WDR3: variants seen among roughly 807,000 people sequenced by gnomAD.
WDR3 encodes the protein WD repeat domain 3.
A neutral mutation model predicts 123.7 loss-of-function variants in WDR3; 81 were observed. The observed-to-expected ratio is 0.65, with a 90% CI of 0.55 to 0.79. The LOEUF (loss-of-function observed/expected upper bound fraction) is 0.79. WDR3 is among the 30% of genes least tolerant of loss of function. WDR3 has a pLI of 0.00. For synonymous variants in WDR3, 390 were observed against 388.8 expected (o/e 1.00, Z -0.04); for missense variants, 1,027 against 1,123.2 (o/e 0.91, Z 1.22).
At chr1:117,942,339 A>G (rs1651199335) in intron 9 of WDR3, 98 bp from the exon 10 acceptor site, 3 of 926,226 alleles carry the variant, frequency 3.2e-6, no homozygotes, top group Non-Finnish European at 5.2e-6. Flanking sequence ...CCAGAATAAC[A>G]CAGTTTGTTG....
chr1:117,957,304 C>A, intron 25 of WDR3, 108 bp downstream of exon 25: 1 of 1,350,780 alleles, frequency 7.4e-7, no homozygotes, highest in South Asian at 1.6e-5. Flanking sequence ...ATGCCGAACT[C>A]GGTGGCTCAC....
rs115349345 is a variant in WDR3 at position 117,952,778 on chromosome 1, C to T, written c.2151+116C>T. ...ATGCATTGCCAAGTCCAAGAACCTT[C>T]AGGAGATCTTTTCAAGACCATTGTC... On this transcript the variant is annotated intron_variant, in intron 19 of 26. Coordinates refer to ENST00000349139, the MANE Select transcript of WDR3 (RefSeq NM_006784.3). 1,919 of 1,464,290 alleles carry T rather than the reference C, an allele frequency of 1.3e-3. 20 individuals carry two copies. In the African/African-American group the frequency reaches 0.024, roughly 19 times the overall value. The allele number at this position is 1,464,290 out of a possible 1,614,324, so 90.7% of individuals were successfully genotyped here. A position where few individuals can be genotyped will look rare whatever the true frequency, so the allele number is the denominator to read the frequency against.
In WDR3 at chr1:117,952,367, C is replaced by T. The variant is rs1380380814; in HGVS notation, c.1975C>T (p.Gln659Ter). ...TGCCGGAAAAGATCATAAGATTAAA[C>T]AGTGGGATGCAGACAAATTTGAACA... is the stretch of plus-strand genomic sequence containing the variant. ...FTAGKDHKIK[Q>*]WDADKFEHIQ... Residue 659 changes from glutamine (Q) to a stop codon, truncating the protein, a stop_gained, in exon 18 of 27, where the codon CAG becomes TAG. Transcript: ENST00000349139. LOFTEE classifies it high-confidence loss of function. 1 of 1,613,392 alleles carries T rather than the reference C, an allele frequency of 6.2e-7. No individual in the cohort carries two copies. Among genetic ancestry groups the T allele is most frequent in the Admixed American group, 1.7e-5 (1 of 59,986 alleles).
Position 117,963,881 on chromosome 1 carries a change from TCTTTTCC to T in WDR3, c.*4437_*4443del. ...AGAAGTTCTCTGGACCATTGGATTT[TCTTTTCC>T]CTGGGGAAAGTCTTTTGGTCGTTTA... On this transcript the variant is annotated 3_prime_UTR_variant, in exon 27 of 27. Coordinates refer to ENST00000349139, the MANE Select transcript of WDR3 (RefSeq NM_006784.3). 1 of 1,614,042 alleles carries T rather than the reference TCTTTTCC, an allele frequency of 6.2e-7. No homozygotes were observed. Among genetic ancestry groups the T allele is most frequent in the African/African-American group, 1.3e-5 (1 of 75,066 alleles).
At chr1:117,931,854 C>A (rs1370370082) in intron 1 of WDR3, among the ~76,000 whole-genome samples, 9 of 152,152 alleles carry the variant, frequency 5.9e-5, no homozygotes, top group African/African-American at 1.9e-4. Context: ...GTGAGAGAAG[C>A]AATGAGGCCA....
intron 17 of WDR3, 43 bp downstream of exon 17, chr1:117,952,119 A>G (rs1304245855): frequency 6.3e-7 from 1 of 1,581,334 alleles, no homozygotes; most frequent in Middle Eastern, 1.7e-4. Flanking sequence ...AGTCACCTGT[A>G]AGTTATCACT....
Position 117,938,520 on chromosome 1 carries a change from C to T in WDR3, c.541C>T (p.Gln181Ter). Residue 181 changes from glutamine (Q) to a stop codon, truncating the protein, a stop_gained, in exon 5 of 27, where the codon CAG becomes TAG. Transcript: ENST00000349139. LOFTEE classifies it high-confidence loss of function. The part of the protein sequence containing the change: ...TMVKWWDLDT[Q>*]HCFKTMVGHR... Reference sequence around the variant, plus strand: ...GGTGAAATGGTGGGACCTTGATACTCAGCACTGCTTTAAAACAATGGTTGG... The same window carrying T: ...GGTGAAATGGTGGGACCTTGATACTTAGCACTGCTTTAAAACAATGGTTGG... 6.2e-7 allele frequency: 1 copy of T among 1,613,350 alleles called. No individual in the cohort carries two copies. Among genetic ancestry groups the T allele is most frequent in the Non-Finnish European group, 8.5e-7 (1 of 1,179,462 alleles).
At chr1:117,958,598 T>C (rs1315036259) in intron 25 of WDR3, among the ~76,000 whole-genome samples, 1 of 152,214 alleles carries the variant, frequency 6.6e-6, no homozygotes. Context: ...GCTCATTCTG[T>C]CTTTGAGTTT....
At chr1:117,950,204 A>T in intron 15 of WDR3, 74 bp downstream of exon 15, 1 of 1,578,388 alleles carries the variant, frequency 6.3e-7, no homozygotes, top group Non-Finnish European at 8.6e-7. Context: ...GAGGCTATAA[A>T]GAAGTGGCCT....
chr1:117,933,209 CA>C (rs112360494), intron 1 of WDR3, 78 bp from the exon 2 acceptor site: 23,675 of 1,298,860 alleles, frequency 0.018, 715 homozygotes, highest in African/African-American at 0.095. Flanking sequence ...GTCTCAAAAA[CA>C]AAAAAACAGT....
At chr1:117,953,699 A>C (rs1380865283) in intron 21 of WDR3, among the ~76,000 whole-genome samples, 158 bp downstream of exon 21, 1 of 152,120 alleles carries the variant, frequency 6.6e-6, no homozygotes, top group Non-Finnish European at 1.5e-5. Context: ...TTGTAACCAA[A>C]GATGGGAGTA....
chr1:117,937,191 G>A (rs578097273), intron 4 of WDR3, among the ~76,000 whole-genome samples: 151 of 152,206 alleles, frequency 9.9e-4, no homozygotes, highest in Admixed American at 1.8e-3. Flanking sequence ...TCTCTAGAAA[G>A]CCAGGAATCA....
In WDR3 at chr1:117,957,075, G is replaced by A. The variant is rs977612683; in HGVS notation, c.2461G>A (p.Glu821Lys). The A allele has an allele frequency of 4.3e-5, 68 of 1,575,830 alleles. No homozygotes were observed. The highest frequency in any genetic ancestry group is 5.8e-5 in the Non-Finnish European group (68 of 1,164,370). ...TTATTTTTTCTTTTTCAGTGAGCTGGAAGAATCTCTACTTGTGCTGCCTTT... is the reference window on the plus strand; with the variant it reads ...TTATTTTTTCTTTTTCAGTGAGCTGAAAGAATCTCTACTTGTGCTGCCTTT... ...IFKGIKSSEL[E>K]ESLLVLPFSY... is the part of the protein sequence containing the mutation. The change falls in exon 25 of 27, where the codon GAA becomes AAA. Residue 821 changes from glutamate (E) to lysine (K), a missense_variant. Coordinates refer to ENST00000349139, the MANE Select transcript of WDR3 (RefSeq NM_006784.3).
rs779056991 is a variant in WDR3, at chr1:117,958,924, A to G, written c.2597A>G (p.Gln866Arg). 3.7e-6 allele frequency: 6 copies of G among 1,613,990 alleles called. No homozygotes were observed. In the East Asian group the frequency reaches 1.1e-4, roughly 30 times the overall value. ...TTTTCTATCAGGATTCACTTTGGAC[A>G]GATCACTAGCAATCAAATGCTTGTG... ...LFFLLRIHFG[Q>R]ITSNQMLVPV... Residue 866 changes from glutamine (Q) to arginine (R), a missense_variant, in exon 26 of 27, where the codon CAG becomes CGG. Transcript: ENST00000349139.
rs188911778 is a variant in WDR3 at position 117,963,099 on chromosome 1, A to T, written c.*3652A>T. 32 of 152,324 alleles carry T rather than the reference A, an allele frequency of 2.1e-4. 1 individual carries two copies. The highest frequency in any genetic ancestry group is 1.7e-3 in the Admixed American group (26 of 15,298). 9.4% of individuals were successfully genotyped at this position (152,324 alleles called of 1,614,324 possible). On this transcript the variant is annotated 3_prime_UTR_variant, in exon 27 of 27. Coordinates refer to ENST00000349139, the MANE Select transcript of WDR3 (RefSeq NM_006784.3). ...TTTTTGGGATCCAAGCAGCCCTGGT[A>T]TGTTTTTAGAACACAGTACACATTG...
chr1:117,950,273 A>T (rs1203294860), intron 15 of WDR3, 143 bp downstream of exon 15: 6 of 1,057,392 alleles, frequency 5.7e-6, no homozygotes, highest in Non-Finnish European at 6.7e-6. Context: ...AAGCAATGTA[A>T]CTATGCTAGG....
Position 117,942,525 on chromosome 1 carries a change from A to G in WDR3, c.1078A>G (p.Lys360Glu), listed in dbSNP as rs376981533. ...QDEIQRVTNIKTSAKIKSFDL... is the reference protein window; with the variant it reads ...QDEIQRVTNIETSAKIKSFDL... ...TGAAATCCAGCGGGTGACTAATATA[A>G]AAACTTCTGCCAAAATCAAGTGAGT... The change falls in exon 10 of 27, where the codon AAA becomes GAA. Residue 360 changes from lysine to glutamate, a missense_variant. Lys to Glu is a moderately conservative substitution (Grantham distance 56). Transcript: ENST00000349139. The G allele has an allele frequency of 3.7e-6, 6 of 1,613,748 alleles. No individual in the cohort carries two copies. The highest frequency in any genetic ancestry group is 1.6e-4 in the Middle Eastern group (1 of 6,080).
At position 117,953,643 on chromosome 1, in the gene WDR3, A is replaced by C. The variant is rs559880461; in HGVS notation, c.2268+102A>C. 8.7e-5 allele frequency: 101 copies of C among 1,161,490 alleles called. No individual in the cohort carries two copies. In the Admixed American group the frequency reaches 1.0e-3, roughly 12 times the overall value. 71.9% of individuals were successfully genotyped at this position (1,161,490 alleles called of 1,614,324 possible). On this transcript the variant is annotated intron_variant, in intron 21 of 26. Coordinates refer to ENST00000349139, the MANE Select transcript of WDR3 (RefSeq NM_006784.3). ...ACCAGAAAGCCATTTTTTTGGCAAA[A>C]AGTTGATGAGATTTAAAGATGGGGA...
In WDR3 at chr1:117,959,498, C is replaced by A; in HGVS notation, c.*51C>A. 1 of 1,505,846 alleles carries A rather than the reference C, an allele frequency of 6.6e-7. No homozygotes were observed. The highest frequency in any genetic ancestry group is 2.4e-5 in the Admixed American group (1 of 42,254). 93.3% of individuals were successfully genotyped at this position (1,505,846 alleles called of 1,614,324 possible). On this transcript the variant is annotated 3_prime_UTR_variant, in exon 27 of 27. Transcript: ENST00000349139. ...TTTCAACTTTTTCCTTTAAAGGACT[C>A]CTAAACTAAGCACAGAAGAGTTGGC...
Sources: allele counts gnomAD v4.1 joint callset (sites outside exome capture counted in the v4.1 genomes callset), GRCh38; gene constraint gnomAD v4.1.1; transcripts MANE v1.5; gene names NCBI Gene and HGNC (gene_info 2026-07-23, HGNC 2026-07-21).